NRXN1: variants seen among roughly 807,000 people sequenced by gnomAD.
NRXN1 encodes the protein neurexin-1.
In NRXN1, 39 loss-of-function variants were observed where a neutral mutation model predicts 150.9. The observed-to-expected ratio is 0.26, with a 90% CI of 0.20 to 0.34. The LOEUF is 0.34. NRXN1 is among the 10% of genes least tolerant of loss of function. The probability of loss-of-function intolerance (pLI) is 1.00; values close to 1 mark genes in which losing one functional copy is unlikely to be tolerated. For missense variants in NRXN1, 1,815 were observed against 1,949.9 expected (o/e 0.93, Z 1.30); for synonymous variants, 924 against 757.0 (o/e 1.22, Z -3.62).
At chr2:50,042,182 A>G (rs1398440738) in intron 21 of NRXN1, among the ~76,000 whole-genome samples, 1 of 152,172 alleles carries the variant, frequency 6.6e-6, no homozygotes, top group East Asian at 1.9e-4. Context: ...ATTCTCTGCA[A>G]ATATTGATTA....
intron 2 of NRXN1, among the ~76,000 whole-genome samples, chr2:51,006,734 G>A (rs1456089136): frequency 6.6e-6 from 1 of 151,828 alleles, no homozygotes; most frequent in Non-Finnish European, 1.5e-5. Flanking sequence ...TTGCCTCTGT[G>A]CACTACAAAT....
At position 50,900,742 on chromosome 2, in the gene NRXN1, A is replaced by T. The variant is rs1574873973; in HGVS notation, c.832+21127T>A. Among the ~76,000 whole-genome samples the T allele has an allele frequency of 2.0e-5, 3 of 152,282 alleles. No homozygotes were observed. The South Asian group carries it at 6.2e-4, about 32-fold the overall frequency. ...CATTTCTGAGCAACGGCATTCCGTG[A>T]TGTTGTACAAGCCAGAGAGAGTGAA... is the stretch of plus-strand genomic sequence containing the variant. On this transcript the variant is annotated intron_variant, in intron 5 of 22. Coordinates refer to ENST00000401669, the MANE Select transcript of NRXN1 (RefSeq NM_001330078.2).
intron 18 of NRXN1, among the ~76,000 whole-genome samples, chr2:50,193,309 A>C (rs574949684): frequency 1.3e-5 from 2 of 152,342 alleles, no homozygotes; most frequent in African/African-American, 4.8e-5. Flanking sequence ...AAATGTATCA[A>C]ATTCAGCTGT....
intron 2 of NRXN1, among the ~76,000 whole-genome samples, chr2:51,012,022 T>C (rs564453104): frequency 6.6e-6 from 1 of 152,150 alleles, no homozygotes; most frequent in South Asian, 2.1e-4. Flanking sequence ...TATTCATCTC[T>C]GTGGCAGCAT....
chr2:50,588,565 T>C (rs886100146), intron 8 of NRXN1: 2 of 152,350 alleles, frequency 1.3e-5, no homozygotes, highest in African/African-American at 2.4e-5. Context: ...CAGTAAGTTA[T>C]AGTATTTCTG....
At chr2:50,192,532 T>C (rs1446178606) in intron 18 of NRXN1, among the ~76,000 whole-genome samples, 1 of 151,306 alleles carries the variant, frequency 6.6e-6, no homozygotes, top group African/African-American at 2.4e-5. Context: ...ATAGTTTACA[T>C]AATATAATTA....
chr2:50,607,780 T>C (rs770821627), intron 8 of NRXN1, among the ~76,000 whole-genome samples: 1 of 151,366 alleles, frequency 6.6e-6, no homozygotes, highest in Non-Finnish European at 1.5e-5. Context: ...TAGTTTTGAA[T>C]TGATATTAAA....
At chr2:51,021,391 T>C (rs1233389005) in intron 2 of NRXN1, among the ~76,000 whole-genome samples, 1 of 151,980 alleles carries the variant, frequency 6.6e-6, no homozygotes, top group East Asian at 1.9e-4. Flanking sequence ...CAGGTACTAA[T>C]GTGTCTCAGA....
intron 17 of NRXN1, among the ~76,000 whole-genome samples, chr2:50,404,790 G>A (rs2082639505): frequency 6.6e-6 from 1 of 152,100 alleles, no homozygotes; most frequent in African/African-American, 2.4e-5. Context: ...GATCTTTGCA[G>A]TATAAGAGTT....
chr2:50,617,343 G>T (rs1679224910), intron 8 of NRXN1, among the ~76,000 whole-genome samples: 1 of 151,878 alleles, frequency 6.6e-6, no homozygotes, highest in South Asian at 2.1e-4. Flanking sequence ...AGCTAAGGCA[G>T]GAGAATTGCT....
At chr2:51,021,366 G>T (rs1364789501) in intron 2 of NRXN1, among the ~76,000 whole-genome samples, 1 of 151,890 alleles carries the variant, frequency 6.6e-6, no homozygotes, top group African/African-American at 2.4e-5. Flanking sequence ...ATAGAATGTG[G>T]TCAACGACTA....
chr2:50,610,423 A>G (rs1677847985), intron 8 of NRXN1, among the ~76,000 whole-genome samples: 1 of 151,440 alleles, frequency 6.6e-6, no homozygotes, highest in African/African-American at 2.4e-5. Flanking sequence ...AGATTACTTG[A>G]TTACCTTGTC....
intron 18 of NRXN1, among the ~76,000 whole-genome samples, chr2:50,146,115 G>A (rs1414896376): frequency 6.6e-6 from 1 of 151,674 alleles, no homozygotes; most frequent in African/African-American, 2.4e-5. Context: ...GTGTGTATGA[G>A]AGGAGAGAAG....
intron 19 of NRXN1, among the ~76,000 whole-genome samples, chr2:50,087,819 G>A (rs1340754018): frequency 6.6e-6 from 1 of 152,016 alleles, no homozygotes; most frequent in East Asian, 1.9e-4. Flanking sequence ...AGCCTTCCAG[G>A]CAATTACAGA....
chr2:50,526,345 G>A (rs990142700), intron 12 of NRXN1, among the ~76,000 whole-genome samples: 2 of 152,118 alleles, frequency 1.3e-5, no homozygotes, highest in African/African-American at 2.4e-5. Flanking sequence ...GATAGCTTAG[G>A]TATGGCACAA....
At chr2:50,052,352 G>C (rs1438747020) in intron 21 of NRXN1, among the ~76,000 whole-genome samples, 1 of 152,008 alleles carries the variant, frequency 6.6e-6, no homozygotes, top group East Asian at 1.9e-4. Flanking sequence ...ATTAATTTTG[G>C]ACCAAGGATA....
chr2:50,149,612 CTA>C (rs1431656968), intron 18 of NRXN1, among the ~76,000 whole-genome samples: 1 of 151,646 alleles, frequency 6.6e-6, no homozygotes, highest in Non-Finnish European at 1.5e-5. Context: ...ATAAAACTTA[CTA>C]TGTTTTACTC....
intron 5 of NRXN1, among the ~76,000 whole-genome samples, chr2:50,683,646 A>AAAAAAAAAAATATATATATATAT: frequency 6.7e-5 from 1 of 14,906 alleles, no homozygotes; most frequent in Non-Finnish European, 1.1e-4. Context: ...AAAAAAAAAA[A>AAAAAAAAAAATATATATATATAT]ATATATATAT....
chr2:50,236,652 C>T (rs953207451), intron 18 of NRXN1, 137 bp downstream of exon 18: 3 of 772,486 alleles, frequency 3.9e-6, no homozygotes, highest in Non-Finnish European at 6.6e-6. Context: ...CTTATTTCCT[C>T]TAGATTGTAT....
Sources: gnomAD v4.1 joint callset for allele counts (sites outside exome capture counted in the v4.1 genomes callset) on GRCh38, gnomAD v4.1.1 for gene constraint, MANE v1.5 for transcripts, NCBI Gene and HGNC (gene_info 2026-07-23, HGNC 2026-07-21) for gene names.